RPS6KC1: variants seen among roughly 807,000 people sequenced by gnomAD.
The protein encoded by RPS6KC1 is inactive ribosomal protein S6 kinase delta-1.
In RPS6KC1, 54 loss-of-function variants were observed where a neutral mutation model predicts 103.8. That is an observed-to-expected ratio of 0.52 (90% CI 0.42 to 0.65). RPS6KC1 has a LOEUF of 0.65. RPS6KC1 is among the 30% of genes least tolerant of loss of function. The probability of loss-of-function intolerance (pLI) is 0.00; values close to 1 mark genes in which losing one functional copy is unlikely to be tolerated. For missense variants in RPS6KC1, 1,151 were observed against 1,253.8 expected, an observed-to-expected ratio of 0.92 and a Z score of 1.24; for synonymous variants, 439 against 438.7, an observed-to-expected ratio of 1.00 and a Z score of -0.01.
At chr1:213,735,602 G>A in the RPS6KC1 span, among the ~76,000 whole-genome samples, 2 of 152,134 alleles carry the variant, frequency 1.3e-5, no homozygotes, top group African/African-American at 4.8e-5. Context: ...ATTTCCATTA[G>A]ACCAATTTGG....
At chr1:213,857,627 A>G in the RPS6KC1 span, among the ~76,000 whole-genome samples, 19 of 152,312 alleles carry the variant, frequency 1.2e-4, no homozygotes, top group African/African-American at 4.3e-4. Context: ...CAAACCAACC[A>G]GGGAATTATT....
the RPS6KC1 span, among the ~76,000 whole-genome samples, chr1:213,509,323 A>G: frequency 1.1e-4 from 16 of 152,178 alleles, no homozygotes; most frequent in Non-Finnish European, 7.3e-5. Context: ...TTTATCTTTA[A>G]AGAAAGAGAG....
chr1:213,272,395 G>A, intron 14 of RPS6KC1, 129 bp from the exon 15 acceptor site: 1 of 673,662 alleles, frequency 1.5e-6, no homozygotes, highest in Non-Finnish European at 2.6e-6. Context: ...AAGAAAAATG[G>A]TCACTTGGCT....
the RPS6KC1 span, among the ~76,000 whole-genome samples, chr1:213,712,404 G>C: frequency 6.6e-6 from 1 of 152,334 alleles, no homozygotes; most frequent in African/African-American, 2.4e-5. Context: ...TCAGACTGCT[G>C]TGCTGGCAGC....
chr1:213,256,760 G>A (rs537282945), intron 12 of RPS6KC1, among the ~76,000 whole-genome samples: 8 of 152,110 alleles, frequency 5.3e-5, no homozygotes, highest in Non-Finnish European at 7.4e-5. Flanking sequence ...TACCTGTTAT[G>A]GACCCTGGCA....
At chr1:213,708,082 T>C in the RPS6KC1 span, among the ~76,000 whole-genome samples, 1 of 152,330 alleles carries the variant, frequency 6.6e-6, no homozygotes, top group African/African-American at 2.4e-5. Flanking sequence ...GTGAAGAAAG[T>C]CAATGGTAGC....
the RPS6KC1 span, among the ~76,000 whole-genome samples, chr1:213,701,806 T>C: frequency 6.6e-6 from 1 of 152,044 alleles, no homozygotes; most frequent in African/African-American, 2.4e-5. Context: ...TCTCACTTTT[T>C]TTTTCTTGGT....
the RPS6KC1 span, among the ~76,000 whole-genome samples, chr1:213,416,164 G>A: frequency 6.6e-6 from 1 of 152,340 alleles, no homozygotes; most frequent in Non-Finnish European, 1.5e-5. Context: ...TGGATGCTGA[G>A]GGGAAGAATG....
chr1:213,426,826 A>G, the RPS6KC1 span, among the ~76,000 whole-genome samples: 1 of 152,238 alleles, frequency 6.6e-6, no homozygotes, highest in Admixed American at 6.5e-5. Context: ...CTGAAGTATT[A>G]GATTGAGAAC....
the RPS6KC1 span, among the ~76,000 whole-genome samples, chr1:213,454,240 G>T: frequency 1.6e-4 from 24 of 152,166 alleles, no homozygotes; most frequent in African/African-American, 5.5e-4. Flanking sequence ...CATGCTCTTT[G>T]AACAAACAAG....
intron 6 of RPS6KC1, among the ~76,000 whole-genome samples, chr1:213,151,092 C>G (rs867165866): frequency 7.5e-5 from 11 of 146,066 alleles, no homozygotes; most frequent in African/African-American, 2.5e-4. Context: ...CCCTCACCTC[C>G]CGGATGGGGG....
chr1:213,770,257 C>T, the RPS6KC1 span, among the ~76,000 whole-genome samples: 1 of 152,168 alleles, frequency 6.6e-6, no homozygotes, highest in Admixed American at 6.5e-5. Context: ...CTTGGGACTC[C>T]TCCTTATTCT....
chr1:213,803,545 C>G, the RPS6KC1 span, among the ~76,000 whole-genome samples: 17 of 152,134 alleles, frequency 1.1e-4, no homozygotes, highest in African/African-American at 3.9e-4. Context: ...CCACACCCAG[C>G]CAACAATGTA....
chr1:213,688,525 C>T, the RPS6KC1 span, among the ~76,000 whole-genome samples: 7 of 152,072 alleles, frequency 4.6e-5, no homozygotes, highest in Non-Finnish European at 8.8e-5. Flanking sequence ...AAGGAATAAC[C>T]AAGTTGCCTC....
chr1:213,817,046 G>T, the RPS6KC1 span, among the ~76,000 whole-genome samples: 1 of 152,196 alleles, frequency 6.6e-6, no homozygotes, highest in African/African-American at 2.4e-5. Flanking sequence ...TGATACCATA[G>T]CCTGCTAAAC....
intron 8 of RPS6KC1, among the ~76,000 whole-genome samples, chr1:213,177,166 G>A (rs770700918): frequency 7.9e-5 from 12 of 152,054 alleles, no homozygotes; most frequent in Non-Finnish European, 1.8e-4. Flanking sequence ...TTGTGTATGT[G>A]CAAATTTGGT....
chr1:213,395,996 G>A, the RPS6KC1 span, among the ~76,000 whole-genome samples: 1 of 152,226 alleles, frequency 6.6e-6, no homozygotes, highest in Non-Finnish European at 1.5e-5. Flanking sequence ...TCGATAGAGG[G>A]CAGGTAGATG....
At chr1:213,772,190 T>A in the RPS6KC1 span, among the ~76,000 whole-genome samples, 1 of 152,184 alleles carries the variant, frequency 6.6e-6, no homozygotes, top group Non-Finnish European at 1.5e-5. Flanking sequence ...ATCGCTTATC[T>A]TCTTAGCACT....
At chr1:213,807,264 T>C in the RPS6KC1 span, among the ~76,000 whole-genome samples, 1 of 152,254 alleles carries the variant, frequency 6.6e-6, no homozygotes. Flanking sequence ...TGTCTTGGAG[T>C]TGCTCTTCTC....
Sources: gnomAD v4.1 joint callset for allele counts (sites outside exome capture counted in the v4.1 genomes callset) on GRCh38, gnomAD v4.1.1 for gene constraint, MANE v1.5 for transcripts, NCBI Gene and HGNC (gene_info 2026-07-23, HGNC 2026-07-21) for gene names.